NRP2: variants seen among roughly 807,000 people sequenced by gnomAD.
NRP2 encodes neuropilin 2.
A neutral mutation model predicts 110.4 loss-of-function variants in NRP2; 52 were observed. The observed-to-expected ratio is 0.47, with a 90% CI of 0.38 to 0.59. The LOEUF (loss-of-function observed/expected upper bound fraction) is 0.59, where lower values mean the gene tolerates loss of function less well. Ranked by LOEUF, NRP2 falls within the 20% of genes least tolerant of loss-of-function variation. The probability of loss-of-function intolerance (pLI) is 0.00; values close to 1 mark genes in which losing one functional copy is unlikely to be tolerated. For missense variants in NRP2, 1,049 were observed against 1,203.0 expected (o/e 0.87, Z 1.89); for synonymous variants, 508 against 468.9 (o/e 1.08, Z -1.08).
At chr2:205,693,716 C>G (rs10177716) in intron 1 of NRP2, among the ~76,000 whole-genome samples, 3 of 152,154 alleles carry the variant, frequency 2.0e-5, no homozygotes. Context: ...AGTCCCATCA[C>G]CCCAGACTCA....
At chr2:205,767,627 G>C (rs1185879301) in intron 15 of NRP2, 4 of 290,620 alleles carry the variant, frequency 1.4e-5, no homozygotes, top group African/African-American at 9.1e-5. Flanking sequence ...TGTTGTTTGT[G>C]CTGTTACAAT....
Position 205,728,019 on chromosome 2 carries a change from G to A in NRP2, c.1119G>A (p.Met373Ile), listed in dbSNP as rs1371504760. ...TCAGCACTAATGGAGAGGACTGGAT[G>A]GTGTACCGGCATGGCAAAAACCACA... The part of the protein sequence containing the change: ...LEVSTNGEDW[M>I]VYRHGKNHKV... The change falls in exon 7 of 17, where the codon ATG (methionine) becomes ATA (isoleucine). Residue 373 changes from methionine to isoleucine, a missense_variant. Transcript: ENST00000357785. The A allele has an allele frequency of 1.2e-6, 2 of 1,614,018 alleles. No homozygotes were observed. Among genetic ancestry groups the A allele is most frequent in the Non-Finnish European group, 1.7e-6 (2 of 1,180,054 alleles).
chr2:205,770,774 C>G (rs1231092171), intron 15 of NRP2, among the ~76,000 whole-genome samples: 1 of 152,216 alleles, frequency 6.6e-6, no homozygotes, highest in Non-Finnish European at 1.5e-5. Flanking sequence ...GCCCCCACCC[C>G]CTTATGTCTC....
chr2:205,787,473 A>C lies in NRP2; in HGVS notation c.2426-4762A>C, dbSNP rs575825161. Among the ~76,000 whole-genome samples the C allele has an allele frequency of 2.6e-5, 4 of 152,290 alleles. No individual in the cohort carries two copies. The East Asian group carries it at 7.7e-4, about 29-fold the overall frequency. On this transcript the variant is annotated intron_variant, in intron 15 of 16. Coordinates refer to ENST00000357785, the MANE Select transcript of NRP2 (RefSeq NM_003872.3). The stretch of plus-strand genomic sequence containing the variant: ...TTAAATTATTTACCCAAAAGTAACC[A>C]GTGGTTTGGGGCAGACTTCTCACTT...
At position 205,683,041 on chromosome 2, in the gene NRP2, G is replaced by C. The variant is rs2056050075; in HGVS notation, c.-250G>C. ...GAACATATATGCGTTTTGTTTTTAA[G>C]AGGAAAACCGTGTTCTCTTCCCGGC... is the stretch of plus-strand genomic sequence containing the variant. On this transcript the variant is annotated 5_prime_UTR_variant, in exon 1 of 17. Transcript: ENST00000357785. The C allele has an allele frequency of 1.9e-6, 1 of 530,916 alleles. No homozygotes were observed. 32.9% of individuals were successfully genotyped at this position (530,916 alleles called of 1,614,324 possible). A position where few individuals can be genotyped will look rare whatever the true frequency, so the allele number is the denominator to read the frequency against.
chr2:205,734,057 G>A lies in NRP2; in HGVS notation c.1146+6011G>A, dbSNP rs895925409. On this transcript the variant is annotated intron_variant, in intron 7 of 16. Transcript: ENST00000357785. ...AGCTGCCTGATGACAAAAACAGCCCGAAAGTAAAGGAGGATGAGAGCAGAG... is the reference window on the plus strand; with the variant it reads ...AGCTGCCTGATGACAAAAACAGCCCAAAAGTAAAGGAGGATGAGAGCAGAG... 3.3e-5 allele frequency among the ~76,000 whole-genome samples: 5 copies of A among 152,008 alleles called. No individual in the cohort carries two copies. The East Asian group carries it at 9.7e-4, about 29-fold the overall frequency.
At position 205,745,798 on chromosome 2, in the gene NRP2, C is replaced by A; in HGVS notation, c.1694C>A (p.Pro565His). 6.2e-7 allele frequency: 1 copy of A among 1,614,222 alleles called. No individual in the cohort carries two copies. Among genetic ancestry groups the A allele is most frequent in the Non-Finnish European group, 8.5e-7 (1 of 1,180,032 alleles). The change falls in exon 10 of 17, where the codon CCC (proline) becomes CAC (histidine). Residue 565 changes from proline (P) to histidine (H), a missense_variant. Physicochemically the swap from Pro to His is moderately conservative, Grantham distance 77. Transcript: ENST00000357785. Reference protein sequence around the residue: ...YDTPDIRRFDPIPAQYVRVYP... With the variant: ...YDTPDIRRFDHIPAQYVRVYP... ...ACCCCTGACATCCGAAGGTTTGACC[C>A]CATTCCGGCACAGTATGTGCGGGTA...
chr2:205,750,092 G>A (rs1460064943), intron 11 of NRP2, among the ~76,000 whole-genome samples: 1 of 152,206 alleles, frequency 6.6e-6, no homozygotes, highest in Non-Finnish European at 1.5e-5. Flanking sequence ...GTGAGACAAG[G>A]ATGACTCCAA....
chr2:205,704,128 G>C (rs1202054461), intron 2 of NRP2, among the ~76,000 whole-genome samples: 1 of 152,142 alleles, frequency 6.6e-6, no homozygotes, highest in East Asian at 1.9e-4. Context: ...AGTGGGGTTT[G>C]GCCTGGGAAA....
At chr2:205,688,656 A>T (rs943369008) in intron 1 of NRP2, among the ~76,000 whole-genome samples, 4 of 152,148 alleles carry the variant, frequency 2.6e-5, no homozygotes, top group Non-Finnish European at 5.9e-5. Flanking sequence ...AATAAGGAGA[A>T]ATTAATTTTT....
At chr2:205,766,635 T>A (rs2057922863) in intron 14 of NRP2, 148 bp from the exon 15 acceptor site, 1 of 718,810 alleles carries the variant, frequency 1.4e-6, no homozygotes, top group Non-Finnish European at 2.5e-6. Flanking sequence ...CTAGAACATG[T>A]GGAAGATGGG....
chr2:205,787,718 C>CTGTG (rs60558986), intron 15 of NRP2, among the ~76,000 whole-genome samples: 5,476 of 144,108 alleles, frequency 0.038, 183 homozygotes, highest in African/African-American at 0.088. Flanking sequence ...AAAAAAGTGT[C>CTGTG]TGTGTGTGTG....
intron 15 of NRP2, among the ~76,000 whole-genome samples, chr2:205,789,314 A>C (rs944600290): frequency 1.3e-5 from 2 of 152,180 alleles, no homozygotes; most frequent in African/African-American, 4.8e-5. Flanking sequence ...AGAAGGAAAC[A>C]GGGTCATGGG....
intron 15 of NRP2, among the ~76,000 whole-genome samples, chr2:205,773,621 C>T (rs373435869): frequency 3.3e-5 from 5 of 152,272 alleles, no homozygotes; most frequent in Admixed American, 2.6e-4. Context: ...AATCCATGTA[C>T]TAGGATTTCA....
intron 15 of NRP2, among the ~76,000 whole-genome samples, chr2:205,787,796 G>A (rs1406702344): frequency 1.3e-5 from 2 of 151,866 alleles, no homozygotes; most frequent in African/African-American, 2.4e-5. Flanking sequence ...AGGGCCATAA[G>A]AGAGGGCCTT....
intron 2 of NRP2, among the ~76,000 whole-genome samples, chr2:205,710,735 G>GT (rs888583371): frequency 1.3e-5 from 2 of 151,896 alleles, no homozygotes; most frequent in African/African-American, 4.8e-5. Flanking sequence ...TGACAGTGCT[G>GT]TTTTTTTTCC....
intron 7 of NRP2, among the ~76,000 whole-genome samples, chr2:205,734,130 C>T (rs2105845589): frequency 6.6e-6 from 1 of 152,100 alleles, no homozygotes; most frequent in East Asian, 1.9e-4. Context: ...AGCTTCTTTG[C>T]CTACCGGCAT....
At chr2:205,716,443 G>GCCTCA in intron 3 of NRP2, 69 bp downstream of exon 3, 1 of 1,543,288 alleles carries the variant, frequency 6.5e-7, no homozygotes, top group Non-Finnish European at 8.9e-7. Flanking sequence ...AGCACCCAGT[G>GCCTCA]GGCTGAGGCA....
chr2:205,770,099 A>T (rs1575659255), intron 15 of NRP2, among the ~76,000 whole-genome samples: 1 of 152,170 alleles, frequency 6.6e-6, no homozygotes, highest in Non-Finnish European at 1.5e-5. Context: ...TTAGAGACTC[A>T]CGGAAATCCC....
Sources: gnomAD v4.1 joint callset for allele counts (sites outside exome capture counted in the v4.1 genomes callset) on GRCh38, gnomAD v4.1.1 for gene constraint, MANE v1.5 for transcripts, NCBI Gene and HGNC (gene_info 2026-07-23, HGNC 2026-07-21) for gene names.